The following CTIF variants were observed in gnomAD, a reference collection of about 807,000 sequenced individuals.
The protein encoded by CTIF is cap binding complex dependent translation initiation factor.
Under a neutral mutation model 66.0 loss-of-function variants are expected in CTIF, and 21 were observed. The observed-to-expected ratio is 0.32, with a 90% CI of 0.23 to 0.46. The LOEUF is 0.46. Among genes scored for constraint, CTIF ranks in the 20% least tolerant of loss-of-function variants. The pLI is 1.00. For synonymous variants in CTIF, 345 were observed against 326.4 expected, an observed-to-expected ratio of 1.06 and a Z score of -0.62; for missense variants, 739 against 812.7, an observed-to-expected ratio of 0.91 and a Z score of 1.10.
intron 1 of CTIF, among the ~76,000 whole-genome samples, chr18:48,595,396 T>C (rs1029389017): frequency 6.6e-5 from 10 of 152,134 alleles, no homozygotes; most frequent in African/African-American, 2.4e-4. Context: ...CCCCAAAACT[T>C]AGCTGAAACT....
rs1261730601 is a variant in CTIF at position 48,749,902 on chromosome 18, C to T, written c.585-8017C>T. 7.2e-5 allele frequency among the ~76,000 whole-genome samples: 11 copies of T among 152,318 alleles called. No individual in the cohort carries two copies. In the East Asian group the frequency reaches 2.1e-3, roughly 29 times the overall value. ...GGGCCGGATCTGGGAGACTGCAGGG[C>T]TTGGCAGGCCGAGCGGAAGGGCGAG... On this transcript the variant is annotated intron_variant, in intron 7 of 11. Transcript: ENST00000256413.
chr18:48,747,411 G>GTA (rs1405252721), intron 7 of CTIF, among the ~76,000 whole-genome samples: 1 of 152,184 alleles, frequency 6.6e-6, no homozygotes. Context: ...AAGTAGAGAG[G>GTA]TACGCTGGGC....
At chr18:48,833,610 T>A (rs1180413770) in intron 10 of CTIF, among the ~76,000 whole-genome samples, 1 of 152,120 alleles carries the variant, frequency 6.6e-6, no homozygotes, top group Non-Finnish European at 1.5e-5. Flanking sequence ...CCGGGGACTT[T>A]CACATTTTGA....
At chr18:48,632,286 G>C (rs1386045841) in intron 2 of CTIF, among the ~76,000 whole-genome samples, 1 of 152,208 alleles carries the variant, frequency 6.6e-6, no homozygotes, top group African/African-American at 2.4e-5. Context: ...GCTGTGCTAA[G>C]TGTGATCATT....
intron 9 of CTIF, among the ~76,000 whole-genome samples, chr18:48,781,334 T>A (rs1911193319): frequency 6.6e-6 from 1 of 152,110 alleles, no homozygotes; most frequent in Non-Finnish European, 1.5e-5. Context: ...CAGAGGCGAC[T>A]GTCTGATTAG....
chr18:48,848,042 T>C (rs1170242565), intron 10 of CTIF, among the ~76,000 whole-genome samples: 1 of 152,206 alleles, frequency 6.6e-6, no homozygotes, highest in Non-Finnish European at 1.5e-5. Flanking sequence ...CGGAGGGTAC[T>C]CCTGACGTGT....
At chr18:48,659,352 G>A (rs1267464870) in intron 3 of CTIF, among the ~76,000 whole-genome samples, 1 of 152,150 alleles carries the variant, frequency 6.6e-6, no homozygotes, top group African/African-American at 2.4e-5. Flanking sequence ...CCGATGCCTT[G>A]CCCACTGCTC....
At chr18:48,606,953 A>C (rs2090212717) in intron 1 of CTIF, among the ~76,000 whole-genome samples, 1 of 152,196 alleles carries the variant, frequency 6.6e-6, no homozygotes, top group Non-Finnish European at 1.5e-5. Flanking sequence ...CTCAATAAAC[A>C]CAGGTATTTA....
intron 3 of CTIF, among the ~76,000 whole-genome samples, chr18:48,642,874 G>A (rs299725): frequency 0.3 from 44,975 of 152,064 alleles, 8,555 homozygotes; most frequent in African/African-American, 0.54. Context: ...GGAGGATCAT[G>A]CATTGGCAGT....
chr18:48,785,361 C>CA (rs1180482394), intron 9 of CTIF, among the ~76,000 whole-genome samples: 1 of 152,196 alleles, frequency 6.6e-6, no homozygotes, highest in African/African-American at 2.4e-5. Context: ...GATGCCGTTT[C>CA]ACAAAATAGG....
rs1331830400 is a variant in CTIF, at chr18:48,758,318, T to C, written c.984T>C (p.Ser328=). 4 of 1,612,994 alleles carry C rather than the reference T, an allele frequency of 2.5e-6. No individual in the cohort carries two copies. In the African/African-American group the frequency reaches 4.0e-5, roughly 16 times the overall value. Reference sequence around the variant, plus strand: ...AGGTTGAGACAAAACGTAAAGACAGTATTCTTCCCGAGCGCATCGGGGAGC... The same window carrying C: ...AGGTTGAGACAAAACGTAAAGACAGCATTCTTCCCGAGCGCATCGGGGAGC... ...GPEVETKRKD[S]ILPERIGERP... The change falls in exon 8 of 12, where the codon AGT becomes AGC. Residue 328 remains serine, a synonymous_variant. Transcript: ENST00000256413.
intron 9 of CTIF, among the ~76,000 whole-genome samples, chr18:48,768,761 A>G (rs1909824509): frequency 6.6e-6 from 1 of 151,830 alleles, no homozygotes; most frequent in Non-Finnish European, 1.5e-5. Flanking sequence ...AAAAATAGGC[A>G]GGTGTGGCAG....
At chr18:48,682,914 G>T (rs2145169224) in intron 6 of CTIF, 1 of 152,384 alleles carries the variant, frequency 6.6e-6, no homozygotes, top group Non-Finnish European at 1.5e-5. Context: ...ATTTCCAGGT[G>T]GTCAAAGCCA....
chr18:48,747,238 G>T (rs1035520406), intron 7 of CTIF, among the ~76,000 whole-genome samples: 2 of 152,206 alleles, frequency 1.3e-5, no homozygotes, highest in Non-Finnish European at 2.9e-5. Flanking sequence ...AATGAATCAA[G>T]AATAAACTAT....
chr18:48,694,016 T>C (rs2091971596), intron 6 of CTIF, among the ~76,000 whole-genome samples: 1 of 152,200 alleles, frequency 6.6e-6, no homozygotes, highest in African/African-American at 2.4e-5. Flanking sequence ...TTTGTGTAAA[T>C]TTTTAGTTGC....
chr18:48,629,171 A>G (rs1341733966), intron 2 of CTIF, among the ~76,000 whole-genome samples: 2 of 150,814 alleles, frequency 1.3e-5, no homozygotes, highest in African/African-American at 5.0e-5. Flanking sequence ...CACAGAGGTC[A>G]CATTCCACCA....
chr18:48,862,702 G>A lies in CTIF; in HGVS notation c.*3143G>A, dbSNP rs117473172. 3 of 151,526 alleles carry A rather than the reference G, an allele frequency of 2.0e-5. No homozygotes were observed. The East Asian group carries it at 5.8e-4, about 29-fold the overall frequency. 9.4% of individuals were successfully genotyped at this position (151,526 alleles called of 1,614,324 possible). A position where few individuals can be genotyped will look rare whatever the true frequency, so the allele number is the denominator to read the frequency against. The stretch of plus-strand genomic sequence containing the variant: ...ATTATTTTCTCCGAGGGATGAGGGT[G>A]GGGGGTGTGGGAAGGGTACCACAGA... On this transcript the variant is annotated 3_prime_UTR_variant, in exon 12 of 12. Transcript: ENST00000256413.
intron 1 of CTIF, among the ~76,000 whole-genome samples, chr18:48,583,220 G>A (rs2089697905): frequency 1.3e-5 from 2 of 152,180 alleles, no homozygotes; most frequent in African/African-American, 4.8e-5. Flanking sequence ...GTCTGGGTGG[G>A]GCCAACAGTG....
rs571538498 is a variant in CTIF, at chr18:48,741,869, C to T, written c.585-16050C>T. On this transcript the variant is annotated intron_variant, in intron 7 of 11. Transcript: ENST00000256413. ...CTCAGCACAAGAAGGGAGCACAGGGCGCCTCCCGGGGAACAGAGAGCCAGC... is the reference window on the plus strand; with the variant it reads ...CTCAGCACAAGAAGGGAGCACAGGGTGCCTCCCGGGGAACAGAGAGCCAGC... Among the ~76,000 whole-genome samples, 6 of 152,262 alleles carry T rather than the reference C, an allele frequency of 3.9e-5. No homozygotes were observed. In the South Asian group the frequency reaches 8.3e-4, roughly 21 times the overall value.
Sources: gnomAD v4.1 joint callset for allele counts (sites outside exome capture counted in the v4.1 genomes callset) on GRCh38, gnomAD v4.1.1 for gene constraint, MANE v1.5 for transcripts, NCBI Gene and HGNC (gene_info 2026-07-23, HGNC 2026-07-21) for gene names.